CNTN4: variants seen among roughly 807,000 people sequenced by gnomAD.
CNTN4 encodes contactin-4.
In CNTN4, 77 loss-of-function variants were observed where a neutral mutation model predicts 122.5. That is an observed-to-expected ratio of 0.63 (90% CI 0.52 to 0.76). The LOEUF is 0.76. CNTN4 is among the 30% of genes least tolerant of loss of function. The pLI, the probability that CNTN4 is intolerant of heterozygous loss-of-function variation, is 0.00. For missense variants in CNTN4, 1,256 were observed against 1,259.1 expected (o/e 1.00, Z 0.04); for synonymous variants, 512 against 447.0 (o/e 1.15, Z -1.83).
chr3:2,177,201 T>G (rs1209284673), intron 2 of CNTN4, among the ~76,000 whole-genome samples: 2 of 152,154 alleles, frequency 1.3e-5, no homozygotes, highest in African/African-American at 4.8e-5. Flanking sequence ...AAAGAGCTCT[T>G]AAGTCAAATG....
At chr3:2,735,809 C>T (rs947570305) in intron 4 of CNTN4, 3 of 371,736 alleles carry the variant, frequency 8.1e-6, no homozygotes, top group Non-Finnish European at 1.6e-5. Flanking sequence ...TTTATCATCT[C>T]ATTACAGCAC....
intron 6 of CNTN4, among the ~76,000 whole-genome samples, chr3:2,755,778 T>C (rs1187356403): frequency 6.6e-6 from 1 of 152,142 alleles, no homozygotes; most frequent in Non-Finnish European, 1.5e-5. Flanking sequence ...ATGATATATA[T>C]ATGAAAATTG....
chr3:2,245,775 T>C (rs1167927151), intron 2 of CNTN4, among the ~76,000 whole-genome samples: 1 of 152,032 alleles, frequency 6.6e-6, no homozygotes, highest in Admixed American at 6.6e-5. Context: ...TTATGAAAAA[T>C]TATATACCTT....
At chr3:2,970,837 G>A (rs1445508074) in intron 13 of CNTN4, among the ~76,000 whole-genome samples, 1 of 151,764 alleles carries the variant, frequency 6.6e-6, no homozygotes, top group Non-Finnish European at 1.5e-5. Context: ...GCCCAGGCTG[G>A]AGTGCAGTGG....
At chr3:2,853,267 C>T (rs535403068) in intron 7 of CNTN4, among the ~76,000 whole-genome samples, 11 of 151,898 alleles carry the variant, frequency 7.2e-5, no homozygotes, top group Non-Finnish European at 1.5e-4. Context: ...GTTTTTGAGA[C>T]GGAGTCTCAC....
chr3:2,887,534 A>C (rs1429726853), intron 10 of CNTN4, among the ~76,000 whole-genome samples: 1 of 151,976 alleles, frequency 6.6e-6, no homozygotes. Flanking sequence ...CTGACACAGG[A>C]AACGTTTTAT....
intron 4 of CNTN4, among the ~76,000 whole-genome samples, chr3:2,580,585 T>C (rs2079890706): frequency 6.6e-6 from 1 of 152,206 alleles, no homozygotes; most frequent in South Asian, 2.1e-4. Flanking sequence ...CTGATTTTAA[T>C]CAGATATTTC....
chr3:2,636,712 G>A (rs1191701523), intron 4 of CNTN4, among the ~76,000 whole-genome samples: 1 of 152,026 alleles, frequency 6.6e-6, no homozygotes, highest in East Asian at 1.9e-4. Context: ...AATAGAGGTA[G>A]ATAAATTTTT....
At chr3:2,366,635 G>T (rs112235548) in intron 3 of CNTN4, among the ~76,000 whole-genome samples, 20,249 of 151,830 alleles carry the variant, frequency 0.13, 2,831 homozygotes, top group African/African-American at 0.36. Context: ...ACTGAGGCAG[G>T]AGAATCACTT....
At chr3:2,303,218 G>A (rs1685454) in intron 2 of CNTN4, among the ~76,000 whole-genome samples, 50,412 of 151,952 alleles carry the variant, frequency 0.33, 9,432 homozygotes, top group East Asian at 0.52. Flanking sequence ...TTATTGAGAT[G>A]AAATTTATAT....
At chr3:2,855,323 T>A (rs2093606556) in intron 7 of CNTN4, among the ~76,000 whole-genome samples, 1 of 152,224 alleles carries the variant, frequency 6.6e-6, no homozygotes, top group African/African-American at 2.4e-5. Context: ...TCTGTTTTAA[T>A]CCCAAATCTA....
At chr3:2,435,472 A>T (rs1323169764) in intron 3 of CNTN4, among the ~76,000 whole-genome samples, 1 of 152,122 alleles carries the variant, frequency 6.6e-6, no homozygotes, top group Admixed American at 6.6e-5. Context: ...CAACCATCCA[A>T]CTTTTTCCAA....
chr3:2,366,228 A>C (rs2045371372), intron 3 of CNTN4, among the ~76,000 whole-genome samples: 1 of 152,200 alleles, frequency 6.6e-6, no homozygotes, highest in Admixed American at 6.5e-5. Context: ...ATACAGGTAG[A>C]AAAAAGTACA....
intron 4 of CNTN4, among the ~76,000 whole-genome samples, chr3:2,609,014 A>T (rs999206484): frequency 6.6e-6 from 1 of 152,204 alleles, no homozygotes; most frequent in African/African-American, 2.4e-5. Context: ...GAAATTTTTT[A>T]AAAACCCTCA....
chr3:2,587,071 T>G (rs1164433083), intron 4 of CNTN4, among the ~76,000 whole-genome samples: 6 of 152,174 alleles, frequency 3.9e-5, no homozygotes, highest in Admixed American at 3.9e-4. Flanking sequence ...ATGAGTAAAG[T>G]TTTGATTATG....
intron 4 of CNTN4, among the ~76,000 whole-genome samples, chr3:2,607,766 GATAC>G (rs1371961810): frequency 6.6e-6 from 1 of 152,064 alleles, no homozygotes; most frequent in Non-Finnish European, 1.5e-5. Context: ...TTAAAAAATA[GATAC>G]ATATGTTTTT....
chr3:2,743,093 A>G (rs1041935852), intron 5 of CNTN4, among the ~76,000 whole-genome samples: 3 of 152,186 alleles, frequency 2.0e-5, no homozygotes, highest in African/African-American at 7.2e-5. Flanking sequence ...AGCTCTCATT[A>G]TGCCCACAAC....
At chr3:2,212,548 C>A (rs1409647318) in intron 2 of CNTN4, among the ~76,000 whole-genome samples, 2 of 152,072 alleles carry the variant, frequency 1.3e-5, no homozygotes, top group Admixed American at 1.3e-4. Context: ...CTTACTACCA[C>A]AAAAACAGTA....
intron 4 of CNTN4, among the ~76,000 whole-genome samples, chr3:2,654,497 C>T (rs372682468): frequency 6.6e-6 from 1 of 151,970 alleles, no homozygotes; most frequent in Non-Finnish European, 1.5e-5. Flanking sequence ...TTTTATATAC[C>T]GTGTTTCTCT....
Sources: allele counts gnomAD v4.1 joint callset (sites outside exome capture counted in the v4.1 genomes callset), GRCh38; gene constraint gnomAD v4.1.1; transcripts MANE v1.5; gene names NCBI Gene and HGNC (gene_info 2026-07-23, HGNC 2026-07-21).